Variants in NKAIN2 observed in about 807,000 individuals in gnomAD.
NKAIN2 encodes the protein sodium/potassium transporting ATPase interacting 2.
A neutral mutation model predicts 32.6 loss-of-function variants in NKAIN2; 14 were observed. The observed-to-expected ratio is 0.43, with a 90% confidence interval of 0.28 to 0.67. The LOEUF is 0.67. Among genes scored for constraint, NKAIN2 ranks in the 30% least tolerant of loss-of-function variants. NKAIN2 has a pLI of 0.17. For synonymous variants in NKAIN2, 80 were observed against 87.2 expected (o/e 0.92, Z 0.46); for missense variants, 198 against 258.3 (o/e 0.77, Z 1.60).
chr6:123,819,187 A>G (rs73557521), intron 1 of NKAIN2, among the ~76,000 whole-genome samples: 1 of 152,300 alleles, frequency 6.6e-6, no homozygotes, highest in African/African-American at 2.4e-5. Flanking sequence ...TCGTTAATAG[A>G]TAATCTGCAG....
chr6:124,071,155 G>A (rs1483328603), intron 1 of NKAIN2, among the ~76,000 whole-genome samples: 1 of 152,026 alleles, frequency 6.6e-6, no homozygotes, highest in Non-Finnish European at 1.5e-5. Flanking sequence ...CAGTAATAAA[G>A]CCATAATCTA....
intron 3 of NKAIN2, among the ~76,000 whole-genome samples, chr6:124,536,020 CA>C (rs1779698557): frequency 6.6e-6 from 1 of 152,208 alleles, no homozygotes. Flanking sequence ...GGTCAGAGAG[CA>C]GGCCTGCGGA....
At chr6:123,871,390 G>A (rs572025862) in intron 1 of NKAIN2, among the ~76,000 whole-genome samples, 58 of 152,222 alleles carry the variant, frequency 3.8e-4, no homozygotes, top group Non-Finnish European at 6.2e-4. Flanking sequence ...GCTTCTTGGA[G>A]ATGCCTTGCT....
intron 1 of NKAIN2, among the ~76,000 whole-genome samples, chr6:124,014,016 C>G (rs1016194809): frequency 6.6e-6 from 1 of 152,116 alleles, no homozygotes; most frequent in African/African-American, 2.4e-5. Flanking sequence ...GGATAATAAA[C>G]TTATGTTCTT....
At chr6:124,351,073 G>T (rs1798704521) in intron 2 of NKAIN2, among the ~76,000 whole-genome samples, 1 of 152,130 alleles carries the variant, frequency 6.6e-6, no homozygotes, top group African/African-American at 2.4e-5. Flanking sequence ...ATTATGTGTT[G>T]CACTAAGTTA....
At chr6:124,675,787 TGTTA>T (rs1021365717) in intron 4 of NKAIN2, among the ~76,000 whole-genome samples, 56 of 152,078 alleles carry the variant, frequency 3.7e-4, no homozygotes, top group African/African-American at 1.3e-3. Context: ...AAAAAACAGT[TGTTA>T]GTTTTTTTGT....
chr6:124,370,424 AAC>A (rs1467801693), intron 3 of NKAIN2, among the ~76,000 whole-genome samples: 1 of 152,068 alleles, frequency 6.6e-6, no homozygotes, highest in Non-Finnish European at 1.5e-5. Flanking sequence ...CTCACTAATA[AAC>A]AGTCATTTAT....
At chr6:124,665,273 A>G (rs1398134464) in intron 4 of NKAIN2, among the ~76,000 whole-genome samples, 1 of 152,234 alleles carries the variant, frequency 6.6e-6, no homozygotes, top group Non-Finnish European at 1.5e-5. Context: ...AAAAAGCTGC[A>G]GTAATTGAAA....
intron 3 of NKAIN2, among the ~76,000 whole-genome samples, chr6:124,371,753 GT>G (rs1799775054): frequency 6.6e-6 from 1 of 150,632 alleles, no homozygotes; most frequent in Non-Finnish European, 1.5e-5. Flanking sequence ...AGTTTTAGCA[GT>G]GTTGTGTTAG....
At chr6:124,400,826 A>G (rs1773594271) in intron 3 of NKAIN2, among the ~76,000 whole-genome samples, 1 of 152,214 alleles carries the variant, frequency 6.6e-6, no homozygotes, top group Non-Finnish European at 1.5e-5. Context: ...GAACCCTTCC[A>G]TGCTCACTCT....
chr6:124,510,151 G>GAA (rs34750269), intron 3 of NKAIN2, among the ~76,000 whole-genome samples: 61 of 148,590 alleles, frequency 4.1e-4, no homozygotes, highest in Non-Finnish European at 5.2e-4. Context: ...AGTGCTTTGG[G>GAA]AAAAAAAAAA....
chr6:124,195,169 G>T (rs916404153), intron 1 of NKAIN2, among the ~76,000 whole-genome samples: 1 of 151,296 alleles, frequency 6.6e-6, no homozygotes. Flanking sequence ...TATTGTCAAG[G>T]AAGTTTTTTA....
chr6:124,702,120 T>C (rs557714843), intron 4 of NKAIN2, among the ~76,000 whole-genome samples: 1 of 152,244 alleles, frequency 6.6e-6, no homozygotes, highest in African/African-American at 2.4e-5. Flanking sequence ...AATACTGCTA[T>C]ATATATATTT....
At chr6:124,420,466 G>A (rs546191589) in intron 3 of NKAIN2, among the ~76,000 whole-genome samples, 16 of 152,234 alleles carry the variant, frequency 1.1e-4, no homozygotes, top group Admixed American at 2.6e-4. Flanking sequence ...TACAAATACC[G>A]AAGAATTAAG....
intron 1 of NKAIN2, among the ~76,000 whole-genome samples, chr6:124,198,698 T>A (rs1451778488): frequency 6.6e-6 from 1 of 152,066 alleles, no homozygotes; most frequent in Non-Finnish European, 1.5e-5. Flanking sequence ...CACAGTATTT[T>A]GTGTGTGTTC....
At chr6:124,329,599 A>G (rs1797568230) in intron 2 of NKAIN2, among the ~76,000 whole-genome samples, 1 of 152,188 alleles carries the variant, frequency 6.6e-6, no homozygotes, top group Admixed American at 6.5e-5. Context: ...CCACCCCTGG[A>G]TCCACACATT....
At chr6:124,015,383 C>T (rs1780519766) in intron 1 of NKAIN2, among the ~76,000 whole-genome samples, 1 of 152,154 alleles carries the variant, frequency 6.6e-6, no homozygotes, top group South Asian at 2.1e-4. Context: ...TTTTCCTCAA[C>T]TAAATCATAT....
At chr6:123,882,096 A>G (rs1773481959) in intron 1 of NKAIN2, among the ~76,000 whole-genome samples, 1 of 152,072 alleles carries the variant, frequency 6.6e-6, no homozygotes, top group East Asian at 1.9e-4. Flanking sequence ...CATGTCACTA[A>G]TCAGTAATTT....
chr6:124,437,167 T>C (rs1172756599), intron 3 of NKAIN2, among the ~76,000 whole-genome samples: 1 of 152,210 alleles, frequency 6.6e-6, no homozygotes, highest in African/African-American at 2.4e-5. Context: ...TTTTTTTCCA[T>C]AACACTTAAC....
Sources: gnomAD v4.1 joint callset for allele counts (sites outside exome capture counted in the v4.1 genomes callset) on GRCh38, gnomAD v4.1.1 for gene constraint, MANE v1.5 for transcripts, NCBI Gene and HGNC (gene_info 2026-07-23, HGNC 2026-07-21) for gene names.